COL18A1: variants seen among roughly 807,000 people sequenced by gnomAD.
COL18A1 encodes collagen type XVIII alpha 1 chain, also known as collagen alpha-1(XVIII) chain.
Under a neutral mutation model 168.0 loss-of-function variants are expected in COL18A1, and 133 were observed. The observed-to-expected ratio is 0.79, with a 90% CI of 0.69 to 0.91. The LOEUF is 0.91. Ranked by LOEUF, COL18A1 falls within the 40% of genes least tolerant of loss-of-function variation. COL18A1 has a pLI of 0.00. For synonymous variants in COL18A1, 949 were observed against 809.0 expected (o/e 1.17, Z -2.94); for missense variants, 2,126 against 1,925.4 (o/e 1.10, Z -1.95).
At chr21:45,421,221 C>T in intron 2 of COL18A1, 1 of 360,006 alleles carries the variant, frequency 2.8e-6, no homozygotes, top group Non-Finnish European at 5.5e-6. Flanking sequence ...GCCGCCCCCA[C>T]CCCCATAGGT....
rs546271526 is a variant in COL18A1 at position 45,491,273 on chromosome 21, C to A, written c.2116C>A (p.Pro706Thr). ...GVGQPGLPGP[P>T]GPPGPVVYVS... ...CGGGCAGCCGGGCCTCCCTGGCCCC[C>A]CCGGACCCCCGGGACCTGTGGTCTA... The change falls in exon 22 of 42, where the codon CCC becomes ACC. Residue 706 changes from proline to threonine, a missense_variant. Physicochemically the swap from Pro to Thr is conservative, Grantham distance 38 (BLOSUM62 -1). Coordinates refer to ENST00000651438, the MANE Select transcript of COL18A1 (RefSeq NM_001379500.1). The A allele has an allele frequency of 3.5e-5, 56 of 1,612,346 alleles. No homozygotes were observed. The South Asian group carries it at 5.6e-4, about 16-fold the overall frequency.
chr21:45,508,329 AGATGGGCAGATGGAT>A (rs1440695735), intron 38 of COL18A1, among the ~76,000 whole-genome samples: 2 of 140,768 alleles, frequency 1.4e-5, no homozygotes, highest in Non-Finnish European at 3.1e-5. Context: ...GTGAGTGGAT[AGATGGGCAGATGGAT>A]GGTGGACAAG....
At position 45,489,500 on chromosome 21, in the gene COL18A1, G is replaced by T. The variant is rs886057125; in HGVS notation, c.1938G>T (p.Val646=). The part of the protein sequence containing the change: ...GLPGLKGDPG[V]PGLPGAKGEV... ...TTTTCACTTAGGGGGATCCTGGCGT[G>T]CCTGGGCTGCCGGGGGCGAAGGTAA... Residue 646 remains valine (V), a synonymous_variant, in exon 19 of 42, where the codon GTG becomes GTT. Transcript: ENST00000651438. The T allele has an allele frequency of 1.9e-5, 30 of 1,603,312 alleles. No individual in the cohort carries two copies. The highest frequency in any genetic ancestry group is 2.2e-5 in the Non-Finnish European group (26 of 1,175,018).
intron 8 of COL18A1, 135 bp from the exon 9 acceptor site, chr21:45,478,192 G>A (rs145366447): frequency 5.1e-4 from 590 of 1,159,152 alleles, no homozygotes; most frequent in Admixed American, 7.1e-4. Context: ...CTCCTGGCGC[G>A]GGTGCGAGGA....
chr21:45,481,894 C>T (rs998048783), intron 13 of COL18A1, 69 bp from the exon 14 acceptor site: 1 of 1,118,386 alleles, frequency 8.9e-7, no homozygotes. Flanking sequence ...GCCCAGATAA[C>T]CTGTTAACCC....
In COL18A1 at chr21:45,494,916, G is replaced by A; in HGVS notation, c.2433+1G>A. On this transcript the variant is annotated splice_donor_variant, in intron 28 of 41. Coordinates refer to ENST00000651438, the MANE Select transcript of COL18A1 (RefSeq NM_001379500.1). LOFTEE classifies it high-confidence loss of function. The stretch of plus-strand genomic sequence containing the variant: ...AGAGATTGGCTTTCCTGGACGGCCG[G>A]TGAGGACCTGGGGTCTCCAGTGGGG... 1 of 1,610,084 alleles carries A rather than the reference G, an allele frequency of 6.2e-7. No individual in the cohort carries two copies. The highest frequency in any genetic ancestry group is 8.5e-7 in the Non-Finnish European group (1 of 1,178,618).
chr21:45,479,122 A>G (rs1007601238), intron 9 of COL18A1, among the ~76,000 whole-genome samples: 4 of 151,008 alleles, frequency 2.6e-5, no homozygotes, highest in African/African-American at 4.9e-5. Context: ...CCCACAGGGC[A>G]CACACACGTG....
At chr21:45,453,132 A>G (rs570094567) in intron 2 of COL18A1, among the ~76,000 whole-genome samples, 35 of 150,842 alleles carry the variant, frequency 2.3e-4, no homozygotes, top group African/African-American at 3.7e-4. Context: ...GGGCTTGTGT[A>G]TGCGAGTATT....
intron 2 of COL18A1, among the ~76,000 whole-genome samples, chr21:45,466,431 G>C (rs370169859): frequency 6.6e-6 from 1 of 152,320 alleles, no homozygotes; most frequent in East Asian, 1.9e-4. Flanking sequence ...AGCAGGAGGG[G>C]CCGCCCCACC....
chr21:45,454,500 T>C (rs1325545489), intron 2 of COL18A1, among the ~76,000 whole-genome samples: 1 of 152,152 alleles, frequency 6.6e-6, no homozygotes, highest in Non-Finnish European at 1.5e-5. Flanking sequence ...TGTGTGCGTG[T>C]GAGGATGCAC....
chr21:45,430,362 C>A (rs2033923351), intron 2 of COL18A1, among the ~76,000 whole-genome samples: 2 of 152,330 alleles, frequency 1.3e-5, no homozygotes, highest in South Asian at 4.1e-4. Flanking sequence ...GTGCCTCTCA[C>A]CCTGAATGCT....
Position 45,504,062 on chromosome 21 carries a change from A to T in COL18A1, c.2727+8A>T, listed in dbSNP as rs552184869. 4 of 1,612,890 alleles carry T rather than the reference A, an allele frequency of 2.5e-6. No homozygotes were observed. The African/African-American group carries it at 5.3e-5, about 22-fold the overall frequency. ...TTGGAGGCTGAAATGAAGGTGGGTG[A>T]CCTCCCTGTGGGGTTGGGGGCCCCC... On this transcript the variant is annotated splice_region_variant and intron_variant, in intron 33 of 41. Transcript: ENST00000651438.
intron 2 of COL18A1, among the ~76,000 whole-genome samples, chr21:45,410,390 C>T (rs372952927): frequency 1.5e-4 from 22 of 150,794 alleles, no homozygotes; most frequent in African/African-American, 5.4e-4. Flanking sequence ...AGTGGGCACA[C>T]GCTGGTGCTG....
chr21:45,487,578 C>A, intron 17 of COL18A1, 69 bp downstream of exon 17: 1 of 1,586,652 alleles, frequency 6.3e-7, no homozygotes, highest in Non-Finnish European at 8.6e-7. Flanking sequence ...AGGAGAGTGT[C>A]CCTGAGAGCC....
chr21:45,485,149 AT>A (rs751718038), intron 15 of COL18A1, among the ~76,000 whole-genome samples: 1,857 of 54,972 alleles, frequency 0.034, 61 homozygotes, highest in African/African-American at 0.13. Context: ...CACCTGGCTA[AT>A]TTTTTTTTTT....
rs2037571730 is a variant in COL18A1, at chr21:45,511,043, C to CCCACAAACACCCACACCCAT, written c.3694-62_3694-43dup. Reference sequence around the variant, plus strand: ...TCCACACCCCACATCCACACACCCCCCCACAAACACCCACACCCATCCACA... The same window carrying CCCACAAACACCCACACCCAT: ...TCCACACCCCACATCCACACACCCCCCCACAAACACCCACACCCATCCACAAACACCCACACCCATCCACA... On this transcript the variant is annotated intron_variant, in intron 40 of 41. Coordinates refer to ENST00000651438, the MANE Select transcript of COL18A1 (RefSeq NM_001379500.1). The CCCACAAACACCCACACCCAT allele has an allele frequency of 2.0e-5, 9 of 450,566 alleles. 1 individual carries two copies. Among genetic ancestry groups the CCCACAAACACCCACACCCAT allele is most frequent in the Non-Finnish European group, 3.5e-5 (9 of 254,774 alleles). The allele number at this position is 450,566 out of a possible 1,614,324, so 27.9% of individuals were successfully genotyped here.
At chr21:45,511,751 C>T (rs932238652) in intron 41 of COL18A1, among the ~76,000 whole-genome samples, 8 of 152,206 alleles carry the variant, frequency 5.3e-5, no homozygotes, top group Non-Finnish European at 1.0e-4. Flanking sequence ...CCCAGCAGTG[C>T]CTGGCCATCT....
At chr21:45,469,306 A>T (rs1010046699) in intron 3 of COL18A1, among the ~76,000 whole-genome samples, 1 of 152,256 alleles carries the variant, frequency 6.6e-6, no homozygotes, top group African/African-American at 2.4e-5. Flanking sequence ...GTCCTTGTTG[A>T]AAACGATGAA....
At chr21:45,494,351 C>T in intron 26 of COL18A1, 194 bp from the exon 27 acceptor site, 1 of 737,716 alleles carries the variant, frequency 1.4e-6, no homozygotes. Context: ...CCAGTGGCTC[C>T]TGTCCTCCCC....
Sources: allele counts gnomAD v4.1 joint callset (sites outside exome capture counted in the v4.1 genomes callset), GRCh38; gene constraint gnomAD v4.1.1; transcripts MANE v1.5; gene names NCBI Gene and HGNC (gene_info 2026-07-23, HGNC 2026-07-21).